Variants in TLN2 observed in about 807,000 individuals in gnomAD.
The protein encoded by TLN2 is talin-2.
Under a neutral mutation model 294.7 loss-of-function variants are expected in TLN2, and 118 were observed. The ratio of observed to expected loss-of-function variants is 0.40; its 90% CI spans 0.34 to 0.47. The LOEUF (loss-of-function observed/expected upper bound fraction) is 0.47. Ranked by LOEUF, TLN2 falls within the 20% of genes least tolerant of loss-of-function variation. The pLI is 0.84. For synonymous variants in TLN2, 1,431 were observed against 1,304.5 expected (o/e 1.10, Z -2.09); for missense variants, 3,083 against 3,282.2 (o/e 0.94, Z 1.48).
intron 1 of TLN2, among the ~76,000 whole-genome samples, chr15:62,451,714 G>C (rs1367019986): frequency 6.6e-6 from 1 of 152,200 alleles, no homozygotes; most frequent in Non-Finnish European, 1.5e-5. Flanking sequence ...GGATAGACCA[G>C]AACTGTGGTG....
chr15:62,694,007 C>T (rs1262690275), intron 13 of TLN2, among the ~76,000 whole-genome samples: 19 of 137,310 alleles, frequency 1.4e-4, no homozygotes, highest in South Asian at 4.5e-4. Context: ...CTCCCTCAGT[C>T]GCCCAGGCTG....
chr15:62,485,528 A>G (rs1467623015), intron 1 of TLN2, among the ~76,000 whole-genome samples: 3 of 152,186 alleles, frequency 2.0e-5, no homozygotes, highest in African/African-American at 7.2e-5. Flanking sequence ...GGAAAAGGGC[A>G]GAAGTGCGGG....
intron 1 of TLN2, among the ~76,000 whole-genome samples, chr15:62,425,983 C>G (rs537592371): frequency 6.6e-6 from 1 of 152,210 alleles, no homozygotes; most frequent in African/African-American, 2.4e-5. Flanking sequence ...TCTAAGTCCC[C>G]TTGACCTGTT....
chr15:62,786,241 G>C (rs572241721), intron 45 of TLN2, among the ~76,000 whole-genome samples: 1 of 152,220 alleles, frequency 6.6e-6, no homozygotes, highest in African/African-American at 2.4e-5. Flanking sequence ...ATCACAACAT[G>C]TGAAAATATT....
intron 28 of TLN2, among the ~76,000 whole-genome samples, chr15:62,729,924 G>T (rs1211466360): frequency 6.6e-6 from 1 of 150,988 alleles, no homozygotes; most frequent in East Asian, 1.9e-4. Flanking sequence ...ATTCTTTTAT[G>T]ATTTCTTTAA....
At chr15:62,827,262 G>A (rs867900992) in intron 54 of TLN2, among the ~76,000 whole-genome samples, 1 of 152,220 alleles carries the variant, frequency 6.6e-6, no homozygotes, top group African/African-American at 2.4e-5. Flanking sequence ...CAAGGACAGT[G>A]AGCAGGGGAA....
intron 16 of TLN2, among the ~76,000 whole-genome samples, chr15:62,700,412 C>G (rs1482351887): frequency 6.6e-6 from 1 of 152,036 alleles, no homozygotes; most frequent in South Asian, 2.1e-4. Context: ...TTTATAGGTT[C>G]AAATAAACGT....
At chr15:62,537,831 CAG>C in intron 1 of TLN2, among the ~76,000 whole-genome samples, 1 of 152,204 alleles carries the variant, frequency 6.6e-6, no homozygotes, top group Non-Finnish European at 1.5e-5. Context: ...AGCATCTAAA[CAG>C]GGCATCCTTT....
Position 62,746,241 on chromosome 15 carries a change from G to T in TLN2, c.4026-2110G>T, listed in dbSNP as rs556695788. ...TGTGATATGTGGAAATAGCACATATGTTGATATATGCCAGCCTATCTCAGA... is the reference window on the plus strand; with the variant it reads ...TGTGATATGTGGAAATAGCACATATTTTGATATATGCCAGCCTATCTCAGA... On this transcript the variant is annotated intron_variant, in intron 32 of 58. Transcript: ENST00000636159. Among the ~76,000 whole-genome samples, 4 of 152,324 alleles carry T rather than the reference G, an allele frequency of 2.6e-5. No individual in the cohort carries two copies. The South Asian group carries it at 8.3e-4, about 32-fold the overall frequency.
chr15:62,776,823 T>A lies in TLN2; in HGVS notation c.5427T>A (p.Asp1809Glu). The change falls in exon 43 of 59, where the codon GAT becomes GAA. Residue 1809 changes from aspartate (D) to glutamate (E), a missense_variant. Physicochemically the swap from Asp to Glu is conservative, Grantham distance 45. Transcript: ENST00000636159. ...EAAQLMKEAVDDIMVTLNEAA... is the reference protein window; with the variant it reads ...EAAQLMKEAVEDIMVTLNEAA... ...CCCAGTTGATGAAGGAAGCCGTGGA[T>A]GACATCATGGTGACGCTGAACGAAG... The A allele has an allele frequency of 6.2e-7, 1 of 1,600,734 alleles. No individual in the cohort carries two copies. The highest frequency in any genetic ancestry group is 8.5e-7 in the Non-Finnish European group (1 of 1,173,036).
chr15:62,562,787 T>C (rs2043069229), intron 1 of TLN2, among the ~76,000 whole-genome samples: 1 of 152,022 alleles, frequency 6.6e-6, no homozygotes, highest in African/African-American at 2.4e-5. Flanking sequence ...CGAGTGAGAA[T>C]ATATGATGTT....
rs145916174 is a variant in TLN2, at chr15:62,441,728, G to A, written c.-238+51043G>A. Among the ~76,000 whole-genome samples, 5 of 152,334 alleles carry A rather than the reference G, an allele frequency of 3.3e-5. No homozygotes were observed. In the East Asian group the frequency reaches 9.7e-4, roughly 29 times the overall value. ...TTCAGATGCCAGTCCCCACTGCTGGGAAAGGGAGAGGGGCCAGAGGTTAAA... is the reference window on the plus strand; with the variant it reads ...TTCAGATGCCAGTCCCCACTGCTGGAAAAGGGAGAGGGGCCAGAGGTTAAA... On this transcript the variant is annotated intron_variant, in intron 1 of 58. Transcript: ENST00000636159.
intron 41 of TLN2, among the ~76,000 whole-genome samples, chr15:62,767,619 G>A (rs1452474019): frequency 5.3e-5 from 8 of 152,158 alleles, no homozygotes; most frequent in Non-Finnish European, 7.3e-5. Flanking sequence ...GATTACAGGC[G>A]TGAGCCACTG....
At chr15:62,396,304 A>T (rs2032541545) in intron 1 of TLN2, among the ~76,000 whole-genome samples, 1 of 152,216 alleles carries the variant, frequency 6.6e-6, no homozygotes, top group South Asian at 2.1e-4. Context: ...AGGCTTTTCT[A>T]TATGAAAACA....
At chr15:62,544,726 CT>C (rs11424816) in intron 1 of TLN2, among the ~76,000 whole-genome samples, 260 of 144,732 alleles carry the variant, frequency 1.8e-3, no homozygotes, top group East Asian at 9.3e-3. Flanking sequence ...AGTAGAAAAG[CT>C]TTTTTTTTTT....
intron 3 of TLN2, chr15:62,645,105 T>A (rs1320670478): frequency 6.4e-6 from 1 of 156,896 alleles, no homozygotes; most frequent in Non-Finnish European, 1.4e-5. Flanking sequence ...CACGGAATGA[T>A]CTGCATCACA....
chr15:62,674,595 CT>C (rs200740198), intron 10 of TLN2, among the ~76,000 whole-genome samples: 12 of 151,920 alleles, frequency 7.9e-5, no homozygotes, highest in Admixed American at 2.0e-4. Flanking sequence ...TCCCCCCGCC[CT>C]GTTCAAGTGA....
chr15:62,668,023 G>A (rs1596586894), intron 9 of TLN2, among the ~76,000 whole-genome samples: 1 of 152,068 alleles, frequency 6.6e-6, no homozygotes, highest in East Asian at 1.9e-4. Flanking sequence ...CAAATACATA[G>A]AAACGGTAGG....
At chr15:62,645,656 G>T (rs560099724) in intron 3 of TLN2, among the ~76,000 whole-genome samples, 2 of 152,298 alleles carry the variant, frequency 1.3e-5, no homozygotes, top group East Asian at 3.9e-4. Context: ...TGGGCAGCCT[G>T]TTGTCCCCTC....
Sources: gnomAD v4.1 joint callset for allele counts (sites outside exome capture counted in the v4.1 genomes callset) on GRCh38, gnomAD v4.1.1 for gene constraint, MANE v1.5 for transcripts, NCBI Gene and HGNC (gene_info 2026-07-23, HGNC 2026-07-21) for gene names.